The following AHI1 variants were observed in gnomAD, a reference collection of about 807,000 sequenced individuals.
AHI1 encodes Abelson helper integration site 1.
In AHI1, 123 loss-of-function variants were observed where a neutral mutation model predicts 149.3. The observed-to-expected ratio is 0.82, with a 90% CI of 0.71 to 0.96. The LOEUF (loss-of-function observed/expected upper bound fraction) is 0.96, where lower values mean the gene tolerates loss of function less well. Among genes scored for constraint, AHI1 ranks in the 40% least tolerant of loss-of-function variants. The probability of loss-of-function intolerance (pLI) is 0.00; values close to 1 mark genes in which losing one functional copy is unlikely to be tolerated. For missense variants in AHI1, 1,439 were observed against 1,422.7 expected (o/e 1.01, Z -0.18); for synonymous variants, 475 against 459.8 (o/e 1.03, Z -0.42).
At chr6:135,363,729 C>T (rs1169075014) in intron 23 of AHI1, among the ~76,000 whole-genome samples, 4 of 142,194 alleles carry the variant, frequency 2.8e-5, no homozygotes, top group East Asian at 2.2e-4. Flanking sequence ...GCAGAGGCGC[C>T]CCTCACTTCC....
intron 21 of AHI1, among the ~76,000 whole-genome samples, chr6:135,410,862 G>C (rs1208509919): frequency 6.6e-6 from 1 of 152,062 alleles, no homozygotes; most frequent in Non-Finnish European, 1.5e-5. Flanking sequence ...GGGGAAGCAG[G>C]GACACAGTCT....
At chr6:135,464,954 C>G (rs1380879833) in intron 7 of AHI1, among the ~76,000 whole-genome samples, 1 of 152,198 alleles carries the variant, frequency 6.6e-6, no homozygotes, top group East Asian at 1.9e-4. Context: ...TCTTAAGCTG[C>G]TAAATTCTGG....
intron 13 of AHI1, among the ~76,000 whole-genome samples, chr6:135,443,004 T>G (rs1583256069): frequency 6.6e-6 from 1 of 152,200 alleles, no homozygotes; most frequent in Admixed American, 6.5e-5. Flanking sequence ...ACTGCCACAC[T>G]GCTTCTATAT....
rs1220958892 is a variant in AHI1, at chr6:135,411,419, C to T, written c.2890G>A (p.Asp964Asn). Residue 964 changes from aspartate to asparagine, a missense_variant, in exon 21 of 29, where the codon GAT becomes AAT. By Grantham distance (23) the Asp-to-Asn change is conservative. Coordinates refer to ENST00000265602, the MANE Select transcript of AHI1 (RefSeq NM_001134831.2). ...KLPHQGSFQI[D>N]EFVHTESSST... ...GAACTTTCAGTGTGGACAAATTCAT[C>T]AATCTGAAAAGAGCCTTGATGGGGT... is the stretch of plus-strand genomic sequence containing the variant. The T allele has an allele frequency of 6.2e-7, 1 of 1,613,696 alleles. No individual in the cohort carries two copies. The highest frequency in any genetic ancestry group is 2.2e-5 in the East Asian group (1 of 44,870).
chr6:135,344,726 T>C (rs186587340), intron 24 of AHI1, among the ~76,000 whole-genome samples: 287 of 151,762 alleles, frequency 1.9e-3, no homozygotes, highest in African/African-American at 6.5e-3. Flanking sequence ...TTCCTTTTCT[T>C]TCTTTCCCTT....
intron 26 of AHI1, chr6:135,302,417 C>A (rs554956237): frequency 1.1e-3 from 1,122 of 990,712 alleles, no homozygotes; most frequent in Non-Finnish European, 1.2e-3. Flanking sequence ...AATATGTTGC[C>A]ATGTGCAGGT....
chr6:135,389,315 A>G (rs1387672927), intron 23 of AHI1, among the ~76,000 whole-genome samples: 1 of 151,858 alleles, frequency 6.6e-6, no homozygotes, highest in Non-Finnish European at 1.5e-5. Flanking sequence ...TCTAAAAAAA[A>G]AAAAAAAAAA....
chr6:135,429,275 G>A (rs926789918), intron 18 of AHI1, among the ~76,000 whole-genome samples: 1 of 151,174 alleles, frequency 6.6e-6, no homozygotes, highest in African/African-American at 2.4e-5. Flanking sequence ...TTTCACTCAC[G>A]AAAAAATAGT....
chr6:135,409,709 C>T (rs749506611), intron 21 of AHI1, among the ~76,000 whole-genome samples: 3 of 152,068 alleles, frequency 2.0e-5, no homozygotes, highest in Non-Finnish European at 4.4e-5. Context: ...TTCTCCCCCC[C>T]ATTATATCTA....
In AHI1 at chr6:135,442,584, A is replaced by G. The variant is rs1786482879; in HGVS notation, c.1910T>C (p.Ile637Thr). The change falls in exon 14 of 29, where the codon ATT (isoleucine) becomes ACT (threonine). Residue 637 changes from isoleucine (I) to threonine (T), a missense_variant and splice_region_variant. Coordinates refer to ENST00000265602, the MANE Select transcript of AHI1 (RefSeq NM_001134831.2). ...ACASRDGYPI[I>T]LYEIPSGRFM... ...AAACAGGTAGGATTATTACTCACAA[A>G]TAATTGGATATCCATCCCGGCTGGC... 4 of 1,607,114 alleles carry G rather than the reference A, an allele frequency of 2.5e-6. No homozygotes were observed. The highest frequency in any genetic ancestry group is 2.6e-6 in the Non-Finnish European group (3 of 1,176,360).
At chr6:135,460,542 G>GC (rs1173036728) in intron 8 of AHI1, among the ~76,000 whole-genome samples, 1 of 152,148 alleles carries the variant, frequency 6.6e-6, no homozygotes, top group East Asian at 1.9e-4. Flanking sequence ...ATCACAGCTT[G>GC]CAAGACAGAA....
intron 5 of AHI1, among the ~76,000 whole-genome samples, chr6:135,482,506 T>C (rs1484911009): frequency 6.6e-6 from 1 of 152,068 alleles, no homozygotes; most frequent in African/African-American, 2.4e-5. Context: ...GTAATTTATA[T>C]TGTTATTTCT....
intron 23 of AHI1, among the ~76,000 whole-genome samples, chr6:135,384,179 C>T (rs1270487707): frequency 1.3e-5 from 2 of 152,036 alleles, no homozygotes; most frequent in African/African-American, 4.8e-5. Context: ...TAACATAAGA[C>T]ATTTACTAGG....
chr6:135,451,331 CTCTT>C (rs1307833841), intron 11 of AHI1, among the ~76,000 whole-genome samples: 1 of 152,160 alleles, frequency 6.6e-6, no homozygotes, highest in African/African-American at 2.4e-5. Context: ...ATCCTTGCCA[CTCTT>C]TCTATCATCA....
At chr6:135,398,982 A>G (rs1008732165) in intron 22 of AHI1, among the ~76,000 whole-genome samples, 86 of 152,204 alleles carry the variant, frequency 5.7e-4, no homozygotes, top group African/African-American at 2.0e-3. Context: ...CCAAGAGTTC[A>G]AGACCAGCCT....
At chr6:135,381,790 CT>C (rs1449388324) in intron 23 of AHI1, among the ~76,000 whole-genome samples, 2 of 152,168 alleles carry the variant, frequency 1.3e-5, no homozygotes, top group Admixed American at 1.3e-4. Flanking sequence ...ATTTCTTTGC[CT>C]GCTGGACTCC....
At chr6:135,391,432 C>G (rs538065322) in intron 23 of AHI1, among the ~76,000 whole-genome samples, 1 of 152,046 alleles carries the variant, frequency 6.6e-6, no homozygotes, top group Non-Finnish European at 1.5e-5. Context: ...CTACGTGTGC[C>G]GTTCACAGTA....
At chr6:135,371,690 A>T (rs1054213212) in intron 23 of AHI1, among the ~76,000 whole-genome samples, 6 of 152,296 alleles carry the variant, frequency 3.9e-5, no homozygotes, top group Admixed American at 3.9e-4. Context: ...ATTTGAAGTC[A>T]TATAGTTTAG....
intron 13 of AHI1, among the ~76,000 whole-genome samples, chr6:135,446,165 C>A (rs986534062): frequency 6.6e-6 from 1 of 152,130 alleles, no homozygotes; most frequent in Non-Finnish European, 1.5e-5. Context: ...CCCACTCACA[C>A]CCCCACCCCT....
Sources: allele counts gnomAD v4.1 joint callset (sites outside exome capture counted in the v4.1 genomes callset), GRCh38; gene constraint gnomAD v4.1.1; transcripts MANE v1.5; gene names NCBI Gene and HGNC (gene_info 2026-07-23, HGNC 2026-07-21).